Variants in DCLK1 observed in about 807,000 individuals in gnomAD.
The protein encoded by DCLK1 is doublecortin like kinase 1, also known as serine/threonine-protein kinase DCLK1.
In DCLK1, 16 loss-of-function variants were observed where a neutral mutation model predicts 86.2. That is an observed-to-expected ratio of 0.19 (90% CI 0.13 to 0.28). The LOEUF (loss-of-function observed/expected upper bound fraction) is 0.28. Among genes scored for constraint, DCLK1 ranks in the 10% least tolerant of loss-of-function variants. The probability of loss-of-function intolerance (pLI) is 1.00; values close to 1 mark genes in which losing one functional copy is unlikely to be tolerated. For missense variants in DCLK1, 590 were observed against 940.2 expected (o/e 0.63, Z 4.87); for synonymous variants, 369 against 370.5 (o/e 1.00, Z 0.05).
intron 12 of DCLK1, among the ~76,000 whole-genome samples, chr13:35,809,332 C>T (rs1344470359): frequency 6.6e-6 from 1 of 152,064 alleles, no homozygotes; most frequent in Non-Finnish European, 1.5e-5. Context: ...GAATGCATTG[C>T]TGGACTTATT....
In DCLK1 at chr13:35,945,746, G is replaced by A. The variant is rs371986828; in HGVS notation, c.823+1612C>T. On this transcript the variant is annotated intron_variant, in intron 4 of 16. Transcript: ENST00000360631. Reference sequence around the variant, plus strand: ...GCAAAGCTGTTCTTAAAATGGTGGCGTGGGGGGGACCTTCCCTGAGGACAC... The same window carrying A: ...GCAAAGCTGTTCTTAAAATGGTGGCATGGGGGGGACCTTCCCTGAGGACAC... Among the ~76,000 whole-genome samples, 6 of 152,214 alleles carry A rather than the reference G, an allele frequency of 3.9e-5. No individual in the cohort carries two copies. The East Asian group carries it at 5.8e-4, about 15-fold the overall frequency.
At chr13:36,017,383 C>G (rs1881580497) in intron 3 of DCLK1, among the ~76,000 whole-genome samples, 1 of 152,164 alleles carries the variant, frequency 6.6e-6, no homozygotes, top group African/African-American at 2.4e-5. Context: ...TGTAACACAA[C>G]TGGGAAAGTC....
chr13:35,940,095 C>T lies in DCLK1; in HGVS notation c.823+7263G>A, dbSNP rs142128677. The stretch of plus-strand genomic sequence containing the variant: ...AACTAGCCGGGCATGGTGGCATGTG[C>T]CTGTAGTCCCAGCTACTCGGGAGGA... On this transcript the variant is annotated intron_variant, in intron 4 of 16. Transcript: ENST00000360631. Among the ~76,000 whole-genome samples the T allele has an allele frequency of 7.1e-3, 1,081 of 152,190 alleles. 6 individuals carry two copies. The highest frequency in any genetic ancestry group is 0.014 in the Admixed American group (218 of 15,302).
intron 4 of DCLK1, among the ~76,000 whole-genome samples, chr13:35,876,456 A>C (rs1872597832): frequency 6.6e-6 from 1 of 152,262 alleles, no homozygotes; most frequent in African/African-American, 2.4e-5. Flanking sequence ...TAAAAAACAA[A>C]AACAAAAACT....
At chr13:35,950,489 T>C (rs1015852915) in intron 3 of DCLK1, among the ~76,000 whole-genome samples, 4 of 152,212 alleles carry the variant, frequency 2.6e-5, no homozygotes, top group Admixed American at 6.5e-5. Context: ...AATAATCTGA[T>C]TTTATTTATC....
intron 4 of DCLK1, among the ~76,000 whole-genome samples, chr13:35,883,245 C>A (rs532152076): frequency 5.0e-4 from 76 of 152,248 alleles, no homozygotes; most frequent in Admixed American, 7.8e-4. Flanking sequence ...ATGTGGGAGG[C>A]GGGGCCTAAT....
intron 3 of DCLK1, among the ~76,000 whole-genome samples, chr13:36,043,631 T>C (rs2153155680): frequency 6.6e-6 from 1 of 152,128 alleles, no homozygotes; most frequent in Middle Eastern, 3.4e-3. Flanking sequence ...AATGAATAGA[T>C]CCTACGGGAT....
At chr13:36,120,762 A>G (rs1885958164) in intron 2 of DCLK1, among the ~76,000 whole-genome samples, 1 of 149,694 alleles carries the variant, frequency 6.7e-6, no homozygotes, top group South Asian at 2.2e-4. Flanking sequence ...TAAACACATG[A>G]AAAGATGAAA....
chr13:35,857,160 G>T (rs1177178199), intron 5 of DCLK1, among the ~76,000 whole-genome samples: 1 of 152,126 alleles, frequency 6.6e-6, no homozygotes, highest in African/African-American at 2.4e-5. Context: ...AATAAGCCTT[G>T]GCATTCACAT....
intron 4 of DCLK1, among the ~76,000 whole-genome samples, chr13:35,936,558 C>T (rs55880612): frequency 0.29 from 44,027 of 152,172 alleles, 7,944 homozygotes; most frequent in Non-Finnish European, 0.4. Context: ...GGCGATGCTC[C>T]CCTTCACCTC....
At chr13:35,871,159 A>C in intron 5 of DCLK1, 65 bp downstream of exon 5, 1 of 1,350,876 alleles carries the variant, frequency 7.4e-7, no homozygotes, top group Admixed American at 1.8e-5. Flanking sequence ...TAGGCTTCAC[A>C]CACCCTCTGC....
At chr13:35,817,470 T>G (rs1428567692) in intron 11 of DCLK1, among the ~76,000 whole-genome samples, 1 of 152,164 alleles carries the variant, frequency 6.6e-6, no homozygotes, top group Non-Finnish European at 1.5e-5. Flanking sequence ...ACATTTAAAT[T>G]TCAAAGAAAT....
intron 4 of DCLK1, among the ~76,000 whole-genome samples, chr13:35,875,950 C>T (rs771619552): frequency 1.3e-5 from 2 of 152,132 alleles, no homozygotes; most frequent in African/African-American, 2.4e-5. Flanking sequence ...GGCTTCCTCA[C>T]TACCCCCAGT....
At chr13:36,069,868 T>C (rs2153161081) in intron 3 of DCLK1, among the ~76,000 whole-genome samples, 1 of 152,304 alleles carries the variant, frequency 6.6e-6, no homozygotes, top group South Asian at 2.1e-4. Flanking sequence ...TGCTATACCT[T>C]AAAATTAACA....
At chr13:35,968,263 G>C (rs898314217) in intron 3 of DCLK1, among the ~76,000 whole-genome samples, 1 of 152,190 alleles carries the variant, frequency 6.6e-6, no homozygotes, top group African/African-American at 2.4e-5. Flanking sequence ...TGTTTAATGA[G>C]TCTGCAGCTT....
intron 4 of DCLK1, among the ~76,000 whole-genome samples, chr13:35,931,108 G>A (rs1876407547): frequency 6.6e-6 from 1 of 152,202 alleles, no homozygotes; most frequent in Non-Finnish European, 1.5e-5. Flanking sequence ...GGAAATGTGA[G>A]TGTTAGCATA....
At chr13:36,018,897 T>A (rs763093100) in intron 3 of DCLK1, among the ~76,000 whole-genome samples, 6 of 152,200 alleles carry the variant, frequency 3.9e-5, no homozygotes, top group Non-Finnish European at 7.4e-5. Flanking sequence ...ACTCTCTCTA[T>A]GGCCCTTGAT....
At chr13:35,973,244 G>A (rs1199745936) in intron 3 of DCLK1, among the ~76,000 whole-genome samples, 2 of 152,184 alleles carry the variant, frequency 1.3e-5, no homozygotes, top group Non-Finnish European at 2.9e-5. Flanking sequence ...CACATGCAGA[G>A]GTCAGTGAGC....
intron 11 of DCLK1, among the ~76,000 whole-genome samples, chr13:35,822,232 C>T (rs1355293117): frequency 6.6e-6 from 1 of 152,070 alleles, no homozygotes; most frequent in Admixed American, 6.6e-5. Context: ...CTCACTGCAG[C>T]CTTGACCTCC....
Sources: allele counts gnomAD v4.1 joint callset (sites outside exome capture counted in the v4.1 genomes callset), GRCh38; gene constraint gnomAD v4.1.1; transcripts MANE v1.5; gene names NCBI Gene and HGNC (gene_info 2026-07-23, HGNC 2026-07-21).